Variants in TMEM232 observed in about 807,000 individuals in gnomAD.
TMEM232 encodes transmembrane protein 232.
TMEM232 carries 80 observed loss-of-function variants against 78.8 expected under a neutral mutation model. That is an observed-to-expected ratio of 1.01 (90% CI 0.85 to 1.22). The LOEUF (loss-of-function observed/expected upper bound fraction) is 1.22, where lower values mean the gene tolerates loss of function less well. Among genes scored for constraint, TMEM232 ranks in the 50% most tolerant of loss-of-function variants. The pLI, the probability that TMEM232 is intolerant of heterozygous loss-of-function variation, is 0.00. For missense variants in TMEM232, 881 were observed against 742.2 expected (o/e 1.19, Z -2.17); for synonymous variants, 297 against 254.3 (o/e 1.17, Z -1.60).
At chr5:110,652,921 T>G (rs1462214177) in intron 2 of TMEM232, among the ~76,000 whole-genome samples, 2 of 152,292 alleles carry the variant, frequency 1.3e-5, no homozygotes, top group Non-Finnish European at 2.9e-5. Context: ...ATTTTATTTA[T>G]AAAATATTTA....
chr5:110,628,056 C>G (rs1413587614), intron 5 of TMEM232, among the ~76,000 whole-genome samples, 176 bp from the exon 6 acceptor site: 1 of 151,940 alleles, frequency 6.6e-6, no homozygotes, highest in Non-Finnish European at 1.5e-5. Context: ...GATTGAAATG[C>G]TAGTTCAGCC....
At chr5:110,429,404 T>C (rs1757587166) in intron 12 of TMEM232, among the ~76,000 whole-genome samples, 1 of 151,780 alleles carries the variant, frequency 6.6e-6, no homozygotes, top group African/African-American at 2.4e-5. Flanking sequence ...GGATAATATA[T>C]TTCTTTATGC....
chr5:110,561,988 A>AT (rs1211150534), intron 11 of TMEM232, among the ~76,000 whole-genome samples: 7 of 152,246 alleles, frequency 4.6e-5, no homozygotes, highest in African/African-American at 1.7e-4. Flanking sequence ...CAAGCCAAGA[A>AT]TTTGAGTGTA....
intron 12 of TMEM232, among the ~76,000 whole-genome samples, chr5:110,493,784 C>CTT (rs111239203): frequency 9.5e-5 from 14 of 147,070 alleles, no homozygotes; most frequent in African/African-American, 3.5e-4. Flanking sequence ...TGCCAAATAT[C>CTT]TTTTTTTTTT....
At chr5:110,410,537 C>A (rs541256539) in intron 2 of TMEM232, among the ~76,000 whole-genome samples, 7 of 152,290 alleles carry the variant, frequency 4.6e-5, no homozygotes, top group Non-Finnish European at 7.4e-5. Context: ...GCAGAACATA[C>A]AAGCTATATA....
intron 8 of TMEM232, among the ~76,000 whole-genome samples, chr5:110,611,063 T>C (rs1782213099): frequency 6.6e-6 from 1 of 152,084 alleles, no homozygotes; most frequent in Non-Finnish European, 1.5e-5. Context: ...AATAATTTTA[T>C]AAATATGACC....
At chr5:110,715,150 C>T (rs1796887204) in intron 1 of TMEM232, among the ~76,000 whole-genome samples, 1 of 151,996 alleles carries the variant, frequency 6.6e-6, no homozygotes, top group Non-Finnish European at 1.5e-5. Context: ...ACAATTCTTT[C>T]TCTTCAAAAC....
intron 7 of TMEM232, among the ~76,000 whole-genome samples, chr5:110,624,545 C>T (rs1297382588): frequency 6.6e-6 from 1 of 152,122 alleles, no homozygotes; most frequent in Non-Finnish European, 1.5e-5. Context: ...ACTGCTAAAA[C>T]ATTTTTTATA....
intron 2 of TMEM232, among the ~76,000 whole-genome samples, chr5:110,409,534 T>A (rs1266099656): frequency 1.3e-5 from 2 of 152,212 alleles, no homozygotes; most frequent in Non-Finnish European, 2.9e-5. Context: ...ATATCTCTGG[T>A]CAGTACATTC....
chr5:110,499,989 C>T (rs1254214782), intron 12 of TMEM232, among the ~76,000 whole-genome samples: 1 of 152,056 alleles, frequency 6.6e-6, no homozygotes, highest in African/African-American at 2.4e-5. Context: ...AATGCTAGAA[C>T]ATTTTAAAGG....
chr5:110,585,071 T>C (rs1185537472), intron 10 of TMEM232, among the ~76,000 whole-genome samples: 4 of 152,154 alleles, frequency 2.6e-5, no homozygotes, highest in Admixed American at 1.3e-4. Context: ...TTGTTTATTC[T>C]TCAAATATGT....
intron 12 of TMEM232, among the ~76,000 whole-genome samples, chr5:110,456,361 A>T (rs1399476271): frequency 1.3e-5 from 2 of 152,156 alleles, no homozygotes; most frequent in African/African-American, 4.8e-5. Flanking sequence ...AAGAATCTAT[A>T]TGCAACAAAG....
intron 5 of TMEM232, among the ~76,000 whole-genome samples, chr5:110,629,359 AG>A (rs1784827586): frequency 6.6e-6 from 1 of 152,184 alleles, no homozygotes; most frequent in Non-Finnish European, 1.5e-5. Context: ...CACCTGACCC[AG>A]AGACTATCTT....
intron 1 of TMEM232, among the ~76,000 whole-genome samples, chr5:110,701,100 C>A (rs1795396133): frequency 6.6e-6 from 1 of 151,678 alleles, no homozygotes; most frequent in South Asian, 2.1e-4. Flanking sequence ...ATATTTTCTT[C>A]TCAAAAAGAA....
intron 12 of TMEM232, among the ~76,000 whole-genome samples, chr5:110,459,679 G>A (rs1472272534): frequency 1.3e-5 from 2 of 152,130 alleles, no homozygotes; most frequent in African/African-American, 4.8e-5. Context: ...GCTATTTAGA[G>A]TGTGTCAAAA....
At chr5:110,486,422 TGTTTTCTCCTAGAATTTTTATTTTCAA>T (rs1044141115) in intron 12 of TMEM232, among the ~76,000 whole-genome samples, 3 of 152,058 alleles carry the variant, frequency 2.0e-5, no homozygotes, top group African/African-American at 7.2e-5. Context: ...GTTTTTCCAG[TGTTTTCTCCTAGAATTTTTATTTTCAA>T]GTTTTAGGGT....
chr5:110,415,560 C>T (rs898633344), downstream of TMEM232, among the ~76,000 whole-genome samples: 2 of 151,748 alleles, frequency 1.3e-5, no homozygotes, highest in Non-Finnish European at 2.9e-5. Flanking sequence ...TAAGACATGC[C>T]TTCCTATGAG....
intron 10 of TMEM232, among the ~76,000 whole-genome samples, chr5:110,585,461 G>A (rs926484365): frequency 2.0e-5 from 3 of 152,098 alleles, no homozygotes. Flanking sequence ...AATTGTTGAA[G>A]CAGTGTTGAC....
rs555419638 is a variant in TMEM232, at chr5:110,718,379, T to C, written c.-13+8248A>G. On this transcript the variant is annotated intron_variant, in intron 1 of 13. Coordinates refer to ENST00000455884, the MANE Select transcript of TMEM232 (RefSeq NM_001039763.4). ...GAAAATATTAAATTGCAAAATTATATTGATGAGAAGCATTTCTGGATAGCT... is the reference window on the plus strand; with the variant it reads ...GAAAATATTAAATTGCAAAATTATACTGATGAGAAGCATTTCTGGATAGCT... Among the ~76,000 whole-genome samples, 4 of 152,280 alleles carry C rather than the reference T, an allele frequency of 2.6e-5. No individual in the cohort carries two copies. In the South Asian group the frequency reaches 8.3e-4, roughly 32 times the overall value.
Sources: gnomAD v4.1 joint callset for allele counts (sites outside exome capture counted in the v4.1 genomes callset) on GRCh38, gnomAD v4.1.1 for gene constraint, MANE v1.5 for transcripts, NCBI Gene and HGNC (gene_info 2026-07-23, HGNC 2026-07-21) for gene names.